Variants in SGCZ observed in about 807,000 individuals in gnomAD.
The protein encoded by SGCZ is sarcoglycan zeta, also known as zeta-sarcoglycan.
Under a neutral mutation model 41.3 loss-of-function variants are expected in SGCZ, and 40 were observed. The observed-to-expected ratio is 0.97, with a 90% CI of 0.75 to 1.26. The LOEUF is 1.26. Among genes scored for constraint, SGCZ ranks in the 50% most tolerant of loss-of-function variants. The pLI, the probability that SGCZ is intolerant of heterozygous loss-of-function variation, is 0.00. For missense variants in SGCZ, 552 were observed against 369.8 expected, an observed-to-expected ratio of 1.49 and a Z score of -4.04; for synonymous variants, 206 against 137.5, an observed-to-expected ratio of 1.50 and a Z score of -3.49.
intron 1 of SGCZ, among the ~76,000 whole-genome samples, chr8:15,210,784 C>T (rs1253412311): frequency 6.6e-6 from 1 of 152,136 alleles, no homozygotes; most frequent in Non-Finnish European, 1.5e-5. Context: ...AAAATCTAAA[C>T]TTAAGCCACC....
At chr8:14,597,292 T>C (rs952217724) in intron 1 of SGCZ, among the ~76,000 whole-genome samples, 5 of 152,184 alleles carry the variant, frequency 3.3e-5, no homozygotes, top group African/African-American at 1.2e-4. Context: ...TGAAGTCCTA[T>C]ATGGAGGGCA....
At chr8:14,876,348 G>T (rs1299466264) in intron 1 of SGCZ, among the ~76,000 whole-genome samples, 4 of 152,180 alleles carry the variant, frequency 2.6e-5, no homozygotes, top group Non-Finnish European at 4.4e-5. Context: ...TGCAGGTAAA[G>T]CTGTGCATAA....
intron 5 of SGCZ, among the ~76,000 whole-genome samples, chr8:14,156,931 C>CT (rs1803893222): frequency 1.3e-5 from 2 of 152,188 alleles, no homozygotes; most frequent in South Asian, 4.1e-4. Flanking sequence ...CTCCAGTTAA[C>CT]TTTTTTTATA....
intron 2 of SGCZ, among the ~76,000 whole-genome samples, chr8:14,355,665 G>A (rs1803268799): frequency 6.6e-6 from 1 of 151,974 alleles, no homozygotes; most frequent in African/African-American, 2.4e-5. Context: ...TTGGGAAAAT[G>A]ATAAAAATGA....
At chr8:14,123,860 C>T (rs1046827405) in intron 5 of SGCZ, among the ~76,000 whole-genome samples, 21 of 152,058 alleles carry the variant, frequency 1.4e-4, no homozygotes, top group African/African-American at 5.1e-4. Flanking sequence ...ATCTTAAAAA[C>T]AGGATTATCC....
chr8:14,702,837 ATAGATAG>A (rs1809197634), intron 1 of SGCZ, among the ~76,000 whole-genome samples: 2 of 101,896 alleles, frequency 2.0e-5, no homozygotes, highest in African/African-American at 6.7e-5. Flanking sequence ...AGATAGATAG[ATAGATAG>A]ATAGATAGAT....
chr8:14,554,602 T>G, intron 2 of SGCZ, 130 bp downstream of exon 2: 1 of 760,850 alleles, frequency 1.3e-6, no homozygotes, highest in Non-Finnish European at 2.0e-6. Context: ...AAATATTATT[T>G]TCTTTGGGAT....
rs185626821 is a variant in SGCZ, at chr8:14,857,606, G to A, written c.40-302680C>T. On this transcript the variant is annotated intron_variant, in intron 1 of 7. Transcript: ENST00000382080. ...TAGCCAGGTGCAGTGGCTCATGCCC[G>A]TAATCCCAGCACTTTGCAAGGCTAA... is the stretch of plus-strand genomic sequence containing the variant. 6.6e-5 allele frequency among the ~76,000 whole-genome samples: 10 copies of A among 152,272 alleles called. No individual in the cohort carries two copies. The South Asian group carries it at 1.7e-3, about 25-fold the overall frequency.
chr8:14,186,953 T>C (rs1015990025), intron 4 of SGCZ, among the ~76,000 whole-genome samples: 2 of 152,122 alleles, frequency 1.3e-5, no homozygotes, highest in African/African-American at 4.8e-5. Context: ...TTTAACTGCA[T>C]CAGTCCATGG....
intron 1 of SGCZ, among the ~76,000 whole-genome samples, chr8:14,985,550 T>G (rs541123214): frequency 1.1e-4 from 17 of 152,246 alleles, no homozygotes; most frequent in African/African-American, 3.4e-4. Context: ...GAATTAGAAT[T>G]CAAAGTAAAC....
chr8:15,217,341 C>T (rs1221702680), intron 1 of SGCZ, among the ~76,000 whole-genome samples: 2 of 150,750 alleles, frequency 1.3e-5, no homozygotes, highest in Admixed American at 1.3e-4. Context: ...GGCGTGAACC[C>T]GGGAGGCGGA....
chr8:15,203,611 C>A (rs1313389612), intron 1 of SGCZ, among the ~76,000 whole-genome samples: 1 of 152,130 alleles, frequency 6.6e-6, no homozygotes, highest in African/African-American at 2.4e-5. Flanking sequence ...ACAAATGTGG[C>A]ATTCATATAT....
chr8:14,689,312 A>C (rs1389713189), intron 1 of SGCZ, among the ~76,000 whole-genome samples: 5 of 152,152 alleles, frequency 3.3e-5, no homozygotes, highest in African/African-American at 7.2e-5. Flanking sequence ...GCATTTGAAA[A>C]CTTTTAATTA....
At chr8:15,043,639 T>C (rs577081001) in intron 1 of SGCZ, among the ~76,000 whole-genome samples, 1 of 152,106 alleles carries the variant, frequency 6.6e-6, no homozygotes, top group Non-Finnish European at 1.5e-5. Flanking sequence ...TATGTAACAA[T>C]CTTTTCTATA....
At chr8:14,801,727 T>A (rs1486603083) in intron 1 of SGCZ, among the ~76,000 whole-genome samples, 1 of 152,192 alleles carries the variant, frequency 6.6e-6, no homozygotes, top group Admixed American at 6.5e-5. Context: ...CAAGATCATG[T>A]GGTCAACAAA....
intron 5 of SGCZ, among the ~76,000 whole-genome samples, chr8:14,111,695 T>C (rs1802376072): frequency 6.6e-6 from 1 of 152,106 alleles, no homozygotes. Context: ...ATTGTCAGAA[T>C]AAAACTAAGA....
At chr8:14,261,948 T>C (rs1012356359) in intron 3 of SGCZ, among the ~76,000 whole-genome samples, 1 of 152,126 alleles carries the variant, frequency 6.6e-6, no homozygotes, top group African/African-American at 2.4e-5. Flanking sequence ...AGATCTGGTT[T>C]TACTCACACG....
At chr8:14,316,265 C>T (rs1415859275) in intron 3 of SGCZ, among the ~76,000 whole-genome samples, 1 of 151,702 alleles carries the variant, frequency 6.6e-6, no homozygotes, top group African/African-American at 2.4e-5. Flanking sequence ...TGAGCATATG[C>T]AATAATTCAT....
intron 3 of SGCZ, among the ~76,000 whole-genome samples, chr8:14,247,493 TG>T (rs1163085137): frequency 6.6e-6 from 1 of 152,148 alleles, no homozygotes; most frequent in Non-Finnish European, 1.5e-5. Context: ...TAGCCATGGG[TG>T]GGCTTAGGAA....
Sources: gnomAD v4.1 joint callset for allele counts (sites outside exome capture counted in the v4.1 genomes callset) on GRCh38, gnomAD v4.1.1 for gene constraint, MANE v1.5 for transcripts, NCBI Gene and HGNC (gene_info 2026-07-23, HGNC 2026-07-21) for gene names.